Variants in CCDC18 observed in about 807,000 individuals in gnomAD.
CCDC18 encodes the protein coiled-coil domain-containing protein 18.
A neutral mutation model predicts 196.0 loss-of-function variants in CCDC18; 157 were observed. The observed-to-expected ratio is 0.80, with a 90% confidence interval of 0.70 to 0.91. The LOEUF (loss-of-function observed/expected upper bound fraction) is 0.91, where lower values mean the gene tolerates loss of function less well. Among genes scored for constraint, CCDC18 ranks in the 40% least tolerant of loss-of-function variants. The pLI is 0.00. For synonymous variants in CCDC18, 482 were observed against 529.2 expected, an observed-to-expected ratio of 0.91 and a Z score of 1.22; for missense variants, 1,465 against 1,611.6, an observed-to-expected ratio of 0.91 and a Z score of 1.56.
chr1:93,202,408 T>A (rs1195015773), intron 7 of CCDC18, among the ~76,000 whole-genome samples: 1 of 152,230 alleles, frequency 6.6e-6, no homozygotes, highest in East Asian at 1.9e-4. Flanking sequence ...CTTGAACTGA[T>A]TTGATATAGA....
At position 93,278,543 on chromosome 1, in the gene CCDC18, T is replaced by C. The variant is rs147817111; in HGVS notation, c.*66T>C. ...GGTACTGTGCTGTTTACTTATTATA[T>C]GTAGCTCATACTTCATAGAAGCTGT... On this transcript the variant is annotated 3_prime_UTR_variant, in exon 29 of 29. Transcript: ENST00000690025. The C allele has an allele frequency of 3.4e-3, 2,720 of 797,242 alleles. 47 individuals carry two copies. In the African/African-American group the frequency reaches 0.04, roughly 12 times the overall value. 49.4% of individuals were successfully genotyped at this position (797,242 alleles called of 1,614,324 possible). A position where few individuals can be genotyped will look rare whatever the true frequency, so the allele number is the denominator to read the frequency against.
chr1:93,272,109 ATTTT>A lies in CCDC18; in HGVS notation c.4353+1299_4353+1302del, dbSNP rs1242372304. 2.6e-5 allele frequency among the ~76,000 whole-genome samples: 4 copies of A among 152,126 alleles called. 1 individual carries two copies. In the East Asian group the frequency reaches 7.7e-4, roughly 29 times the overall value. On this transcript the variant is annotated intron_variant, in intron 28 of 28. Coordinates refer to ENST00000690025, the MANE Select transcript of CCDC18 (RefSeq NM_001378204.1). Reference sequence around the variant, plus strand: ...TTGGTGGCCTGAACAGTTAAAAACTATTTTTTTGGAATAGATCCAAGACAAAGAA... The same window carrying A: ...TTGGTGGCCTGAACAGTTAAAAACTATTTGGAATAGATCCAAGACAAAGAA...
At chr1:93,180,670 C>A, upstream of CCDC18, 1 of 1,332,938 alleles carries the variant, frequency 7.5e-7, no homozygotes, top group Non-Finnish European at 9.9e-7. Context: ...CTCACGCAGT[C>A]TGCGCCGGGG....
At position 93,255,769 on chromosome 1, in the gene CCDC18, G is replaced by A. The variant is rs7551674; in HGVS notation, c.3343-566G>A. Among the ~76,000 whole-genome samples the A allele has an allele frequency of 7.3e-3, 1,058 of 145,222 alleles. 13 individuals carry two copies. The highest frequency in any genetic ancestry group is 0.026 in the African/African-American group (956 of 37,434). ...AAGAGGAAGAAGAGGAAGAAGAGGA[G>A]GAAGAGGAAGAAGAGGAAGAAGAAG... On this transcript the variant is annotated intron_variant, in intron 24 of 28. Coordinates refer to ENST00000690025, the MANE Select transcript of CCDC18 (RefSeq NM_001378204.1).
Position 93,236,316 on chromosome 1 carries a change from G to A in CCDC18, c.2529G>A (p.Glu843=). 1 of 1,574,952 alleles carries A rather than the reference G, an allele frequency of 6.3e-7. No homozygotes were observed. The highest frequency in any genetic ancestry group is 8.6e-7 in the Non-Finnish European group (1 of 1,167,602). Residue 843 remains glutamate, a synonymous_variant, in exon 19 of 29, where the codon GAG becomes GAA. Transcript: ENST00000690025. ...ESSAEKLRKM[E]EKCESAAHEA... Reference sequence around the variant, plus strand: ...CAGCTGAAAAGTTGAGAAAAATGGAGGAGAAATGTGAATCAGCTGCACATG... The same window carrying A: ...CAGCTGAAAAGTTGAGAAAAATGGAAGAGAAATGTGAATCAGCTGCACATG...
intron 3 of CCDC18, 148 bp downstream of exon 3, chr1:93,184,294 A>G (rs953575541): frequency 3.1e-5 from 10 of 319,132 alleles, no homozygotes; most frequent in Non-Finnish European, 5.6e-5. Flanking sequence ...ATCTTTTACT[A>G]TGGTACTCAA....
intron 16 of CCDC18, among the ~76,000 whole-genome samples, chr1:93,222,280 C>A (rs910396109): frequency 6.6e-6 from 1 of 151,560 alleles, no homozygotes; most frequent in East Asian, 1.9e-4. Flanking sequence ...TTCTTTAGAG[C>A]GAATTATGAT....
In CCDC18 at chr1:93,270,691, C is replaced by T. The variant is rs1171365040; in HGVS notation, c.4230C>T (p.Asn1410=). Residue 1410 remains asparagine (N), a synonymous_variant, in exon 28 of 29, where the codon AAC becomes AAT. Coordinates refer to ENST00000690025, the MANE Select transcript of CCDC18 (RefSeq NM_001378204.1). ...ACTCATTTAAACCTCTCACATATAA[C>T]CTAGAAGCTGATAGTTCTGAGAATA... ...QPDSFKPLTY[N]LEADSSENND... is the part of the protein sequence containing the mutation. The T allele has an allele frequency of 1.9e-6, 3 of 1,550,336 alleles. No homozygotes were observed. The highest frequency in any genetic ancestry group is 1.7e-6 in the Non-Finnish European group (2 of 1,146,872).
chr1:93,264,745 T>A lies in CCDC18; in HGVS notation c.3729T>A (p.Ala1243=). Residue 1243 remains alanine (A), a synonymous_variant, in exon 27 of 29, where the codon GCT becomes GCA. Coordinates refer to ENST00000690025, the MANE Select transcript of CCDC18 (RefSeq NM_001378204.1). ...QENHAKWKIS[A]DSQKSSVQQL... is the part of the protein sequence containing the mutation. ...ACCATGCAAAGTGGAAGATTTCTGCTGACTCTCAAAAGTCTTCTGTTCAGC... is the reference window on the plus strand; with the variant it reads ...ACCATGCAAAGTGGAAGATTTCTGCAGACTCTCAAAAGTCTTCTGTTCAGC... 1 of 1,613,404 alleles carries A rather than the reference T, an allele frequency of 6.2e-7. No individual in the cohort carries two copies. The highest frequency in any genetic ancestry group is 8.5e-7 in the Non-Finnish European group (1 of 1,179,480).
At chr1:93,220,666 G>A (rs942376108) in intron 14 of CCDC18, among the ~76,000 whole-genome samples, 1 of 152,094 alleles carries the variant, frequency 6.6e-6, no homozygotes, top group Non-Finnish European at 1.5e-5. Context: ...TACAGGAGGT[G>A]CAGATTTGTC....
upstream of CCDC18, chr1:93,180,423 G>A (rs929472922): frequency 3.9e-6 from 5 of 1,269,310 alleles, no homozygotes; most frequent in Non-Finnish European, 5.4e-6. Flanking sequence ...CAAAGGGTAG[G>A]GACTCTGGGC....
chr1:93,239,232 C>A, intron 19 of CCDC18, 78 bp from the exon 20 acceptor site: 1 of 1,076,964 alleles, frequency 9.3e-7, no homozygotes, highest in Non-Finnish European at 1.3e-6. Context: ...ATATAACTTG[C>A]AGGCTTTTTT....
At chr1:93,214,061 A>G (rs1003110145) in intron 11 of CCDC18, among the ~76,000 whole-genome samples, 1 of 152,142 alleles carries the variant, frequency 6.6e-6, no homozygotes, top group Non-Finnish European at 1.5e-5. Context: ...TTTATAGTGG[A>G]GAAGGGGCAT....
intron 21 of CCDC18, among the ~76,000 whole-genome samples, chr1:93,245,473 C>A (rs1661386729): frequency 6.6e-6 from 1 of 152,036 alleles, no homozygotes. Flanking sequence ...CATTTTCAAC[C>A]TTTGTCTTAT....
chr1:93,277,345 G>A (rs1317555344), intron 28 of CCDC18, among the ~76,000 whole-genome samples: 3 of 53,782 alleles, frequency 5.6e-5, no homozygotes, highest in Non-Finnish European at 9.1e-5. Context: ...GTGTCGGGCT[G>A]GGGGACGGTC....
At chr1:93,190,942 C>T (rs535762213) in intron 4 of CCDC18, 27 of 841,284 alleles carry the variant, frequency 3.2e-5, no homozygotes, top group East Asian at 1.9e-4. Context: ...CCTGTCATAT[C>T]GACACTTTCC....
intron 25 of CCDC18, 120 bp downstream of exon 25, chr1:93,256,658 C>CTTAA: frequency 1.3e-6 from 1 of 777,710 alleles, no homozygotes; most frequent in Non-Finnish European, 2.1e-6. Context: ...TGTGAATGTA[C>CTTAA]TTAATCCCAC....
chr1:93,274,777 C>G (rs151239570), intron 28 of CCDC18, among the ~76,000 whole-genome samples: 1 of 152,034 alleles, frequency 6.6e-6, no homozygotes, highest in East Asian at 1.9e-4. Context: ...GAGCCCAGTT[C>G]GAGGCTGCAG....
intron 19 of CCDC18, among the ~76,000 whole-genome samples, chr1:93,237,953 C>A (rs187405597): frequency 6.6e-6 from 1 of 152,170 alleles, no homozygotes; most frequent in East Asian, 1.9e-4. Flanking sequence ...TGTATATTTT[C>A]TTGGGGTTTT....
Sources: allele counts gnomAD v4.1 joint callset (sites outside exome capture counted in the v4.1 genomes callset), GRCh38; gene constraint gnomAD v4.1.1; transcripts MANE v1.5; gene names NCBI Gene and HGNC (gene_info 2026-07-23, HGNC 2026-07-21).